ZMYM2: variants seen among roughly 807,000 people sequenced by gnomAD.
ZMYM2 encodes zinc finger MYM-type containing 2, also known as zinc finger MYM-type protein 2.
Under a neutral mutation model 162.8 loss-of-function variants are expected in ZMYM2, and 56 were observed. The ratio of observed to expected loss-of-function variants is 0.34; its 90% confidence interval spans 0.28 to 0.43. The LOEUF is 0.43. ZMYM2 is among the 20% of genes least tolerant of loss of function. The pLI, the probability that ZMYM2 is intolerant of heterozygous loss-of-function variation, is 1.00. For synonymous variants in ZMYM2, 510 were observed against 541.6 expected, an observed-to-expected ratio of 0.94 and a Z score of 0.81; for missense variants, 1,275 against 1,621.8, an observed-to-expected ratio of 0.79 and a Z score of 3.67.
chr13:20,026,835 TG>T, intron 8 of ZMYM2, 73 bp downstream of exon 8: 1 of 1,425,544 alleles, frequency 7.0e-7, no homozygotes, highest in Non-Finnish European at 9.4e-7. Context: ...ACTCATTTGA[TG>T]TTTTTATGCT....
chr13:19,899,826 A>G, the ZMYM2 span, among the ~76,000 whole-genome samples: 1 of 150,528 alleles, frequency 6.6e-6, no homozygotes, highest in Non-Finnish European at 1.5e-5. Flanking sequence ...CAAAAAAAAA[A>G]AAAAAAAAAA....
Position 20,083,648 on chromosome 13 carries a change from T to A in ZMYM2, c.3821-8T>A, listed in dbSNP as rs1160263308. Reference sequence around the variant, plus strand: ...TTTAGGAGGTTTATTTCACTTTTATTTTTTAAGATAAAATTACTACTGGAA... The same window carrying A: ...TTTAGGAGGTTTATTTCACTTTTATATTTTAAGATAAAATTACTACTGGAA... On this transcript the variant is annotated splice_polypyrimidine_tract_variant and splice_region_variant and intron_variant, in intron 23 of 24. Transcript: ENST00000610343. 3.3e-6 allele frequency: 5 copies of A among 1,498,406 alleles called. No individual in the cohort carries two copies. In the African/African-American group the frequency reaches 4.2e-5, roughly 13 times the overall value. 92.8% of individuals were successfully genotyped at this position (1,498,406 alleles called of 1,614,324 possible). A position where few individuals can be genotyped will look rare whatever the true frequency, so the allele number is the denominator to read the frequency against.
At chr13:19,957,309 TTAA>T (rs1369960040), upstream of ZMYM2, among the ~76,000 whole-genome samples, 2 of 152,210 alleles carry the variant, frequency 1.3e-5, no homozygotes, top group Non-Finnish European at 2.9e-5. Context: ...TATATGTTTA[TTAA>T]TAGGCAATGG....
At chr13:20,036,944 C>T (rs776563708) in intron 12 of ZMYM2, 35 bp downstream of exon 12, 3 of 1,555,092 alleles carry the variant, frequency 1.9e-6, no homozygotes, top group Non-Finnish European at 2.6e-6. Context: ...GCTACTTTAA[C>T]CAGTCTTAAA....
chr13:20,083,684 TGAA>T lies in ZMYM2; in HGVS notation c.3852_3854del (p.Glu1284del). Reference sequence around the variant, plus strand: ...AAATTACTACTGGAAAAAGAAAACATGAAGATGATGAGCCAGTATTTGAACAAA... The same window carrying T: ...AAATTACTACTGGAAAAAGAAAACATGATGATGAGCCAGTATTTGAACAAA... On this transcript the variant is annotated inframe_deletion, in exon 24 of 25. Coordinates refer to ENST00000610343, the MANE Select transcript of ZMYM2 (RefSeq NM_197968.4). 1.3e-6 allele frequency: 2 copies of T among 1,558,702 alleles called. No homozygotes were observed. The highest frequency in any genetic ancestry group is 1.7e-6 in the Non-Finnish European group (2 of 1,144,616).
At chr13:19,897,869 G>T in the ZMYM2 span, among the ~76,000 whole-genome samples, 4 of 152,046 alleles carry the variant, frequency 2.6e-5, no homozygotes, top group South Asian at 8.3e-4. Context: ...TAACAGAATT[G>T]AGGTGAGAAA....
At chr13:20,040,630 C>G (rs1954161965) in intron 12 of ZMYM2, among the ~76,000 whole-genome samples, 1 of 151,990 alleles carries the variant, frequency 6.6e-6, no homozygotes, top group African/African-American at 2.4e-5. Context: ...TTGGTTATTT[C>G]TTGTCTTCTG....
At chr13:19,994,167 T>G (rs888802835) in intron 3 of ZMYM2, among the ~76,000 whole-genome samples, 2 of 152,222 alleles carry the variant, frequency 1.3e-5, no homozygotes, top group African/African-American at 4.8e-5. Flanking sequence ...AAAAAAATAC[T>G]CTTTACATTC....
At chr13:20,061,798 A>G (rs996358820) in intron 17 of ZMYM2, among the ~76,000 whole-genome samples, 6 of 152,132 alleles carry the variant, frequency 3.9e-5, no homozygotes, top group Non-Finnish European at 8.8e-5. Flanking sequence ...TATGTTGGCC[A>G]GGCTGATCTC....
the ZMYM2 span, among the ~76,000 whole-genome samples, chr13:19,890,952 G>A: frequency 6.6e-6 from 1 of 151,754 alleles, no homozygotes; most frequent in Non-Finnish European, 1.5e-5. Context: ...ATTATAACTT[G>A]ATTTACTGTT....
At chr13:19,958,434 C>A (rs1954712804), upstream of ZMYM2, among the ~76,000 whole-genome samples, 1 of 147,812 alleles carries the variant, frequency 6.8e-6, no homozygotes. Flanking sequence ...CAGCGAATCT[C>A]GGGCTCCTGA....
intron 2 of ZMYM2, among the ~76,000 whole-genome samples, chr13:19,979,594 A>G (rs996885187): frequency 3.9e-5 from 6 of 152,200 alleles, no homozygotes; most frequent in Admixed American, 3.9e-4. Flanking sequence ...TAGATGCTAC[A>G]GGGAAAGCTG....
chr13:19,903,501 A>AAAAAAAAG, the ZMYM2 span, among the ~76,000 whole-genome samples: 1 of 150,744 alleles, frequency 6.6e-6, no homozygotes, highest in Non-Finnish European at 1.5e-5. Flanking sequence ...AAAAAAAAAA[A>AAAAAAAAG]AAAGAAAATT....
At chr13:19,884,730 C>T in the ZMYM2 span, among the ~76,000 whole-genome samples, 2 of 152,256 alleles carry the variant, frequency 1.3e-5, no homozygotes, top group African/African-American at 4.8e-5. Context: ...AAAAAAGACA[C>T]AAACTCTCGC....
At chr13:19,986,795 A>T (rs9579757) in intron 2 of ZMYM2, among the ~76,000 whole-genome samples, 1 of 151,912 alleles carries the variant, frequency 6.6e-6, no homozygotes, top group African/African-American at 2.4e-5. Context: ...TATTATATCA[A>T]TTGCACAGAT....
At chr13:19,951,071 A>T in the ZMYM2 span, among the ~76,000 whole-genome samples, 1 of 152,092 alleles carries the variant, frequency 6.6e-6, no homozygotes, top group Non-Finnish European at 1.5e-5. Context: ...AGTGTATTTT[A>T]TGTGTGGCCC....
chr13:20,019,091 A>C (rs552324855), intron 6 of ZMYM2, among the ~76,000 whole-genome samples: 1,818 of 12,208 alleles, frequency 0.15, 49 homozygotes, highest in African/African-American at 0.18. Context: ...AAAAAAAAAA[A>C]AACAACAACA....
chr13:19,973,247 A>G (rs557723748), intron 2 of ZMYM2, among the ~76,000 whole-genome samples: 1 of 152,184 alleles, frequency 6.6e-6, no homozygotes, highest in South Asian at 2.1e-4. Flanking sequence ...ACAAGTATAT[A>G]TATTTATGGT....
At chr13:19,900,909 G>T in the ZMYM2 span, among the ~76,000 whole-genome samples, 2 of 152,100 alleles carry the variant, frequency 1.3e-5, no homozygotes, top group Non-Finnish European at 2.9e-5. Context: ...GCGGGCGCCT[G>T]TAGTCCCAGC....
Sources: allele counts gnomAD v4.1 joint callset (sites outside exome capture counted in the v4.1 genomes callset), GRCh38; gene constraint gnomAD v4.1.1; transcripts MANE v1.5; gene names NCBI Gene and HGNC (gene_info 2026-07-23, HGNC 2026-07-21).